The following KCNIP4 variants were observed in gnomAD, a reference collection of about 807,000 sequenced individuals.
KCNIP4 encodes potassium voltage-gated channel interacting protein 4.
A neutral mutation model predicts 34.0 loss-of-function variants in KCNIP4; 12 were observed. The ratio of observed to expected loss-of-function variants is 0.35; its 90% CI spans 0.23 to 0.57. The LOEUF is 0.57. KCNIP4 is among the 20% of genes least tolerant of loss of function. The pLI is 0.83. For synonymous variants in KCNIP4, 124 were observed against 102.2 expected (o/e 1.21, Z -1.29); for missense variants, 238 against 311.7 (o/e 0.76, Z 1.78).
chr4:21,158,908 G>T (rs1473852445), intron 1 of KCNIP4, among the ~76,000 whole-genome samples: 1 of 152,048 alleles, frequency 6.6e-6, no homozygotes, highest in Non-Finnish European at 1.5e-5. Flanking sequence ...AGAAATAATT[G>T]CATGCAGTGA....
chr4:21,752,532 A>G (rs1161996221), intron 1 of KCNIP4, among the ~76,000 whole-genome samples: 1 of 152,140 alleles, frequency 6.6e-6, no homozygotes, highest in Non-Finnish European at 1.5e-5. Context: ...CCAATTCCAG[A>G]TGAGATTTTG....
intron 1 of KCNIP4, among the ~76,000 whole-genome samples, chr4:21,533,702 T>C (rs535262174): frequency 2.0e-4 from 30 of 152,284 alleles, no homozygotes; most frequent in African/African-American, 7.2e-4. Flanking sequence ...TAGCTAGGTA[T>C]TTTACTTATT....
chr4:21,695,023 A>G (rs1712151812), intron 1 of KCNIP4, among the ~76,000 whole-genome samples: 1 of 151,962 alleles, frequency 6.6e-6, no homozygotes, highest in African/African-American at 2.4e-5. Flanking sequence ...TGATAACTAC[A>G]AAGATACATG....
intron 1 of KCNIP4, among the ~76,000 whole-genome samples, chr4:21,496,908 C>T (rs908725586): frequency 4.6e-5 from 7 of 152,110 alleles, no homozygotes; most frequent in African/African-American, 1.7e-4. Context: ...TCTGTCTGTG[C>T]AAAAATTGTC....
intron 1 of KCNIP4, among the ~76,000 whole-genome samples, chr4:21,073,078 A>G (rs1458433068): frequency 6.6e-6 from 1 of 152,102 alleles, no homozygotes; most frequent in Non-Finnish European, 1.5e-5. Flanking sequence ...GTCAGGTAGC[A>G]TGATGCTTCC....
intron 1 of KCNIP4, chr4:21,697,287 C>G (rs759107391): frequency 1.5e-6 from 2 of 1,335,182 alleles, no homozygotes; most frequent in Non-Finnish European, 1.9e-6. Flanking sequence ...TCCATTTCAA[C>G]TTCATTACCA....
At chr4:21,672,805 C>A (rs564007145) in intron 1 of KCNIP4, among the ~76,000 whole-genome samples, 3 of 152,310 alleles carry the variant, frequency 2.0e-5, no homozygotes, top group African/African-American at 7.2e-5. Context: ...TCTGGCCCAG[C>A]ATTGCTCATG....
At chr4:21,155,556 A>G (rs1039114040) in intron 1 of KCNIP4, among the ~76,000 whole-genome samples, 1 of 152,148 alleles carries the variant, frequency 6.6e-6, no homozygotes, top group Non-Finnish European at 1.5e-5. Flanking sequence ...AACTTGATTC[A>G]TTAGTTAATA....
At chr4:21,098,646 T>C (rs4444829) in intron 1 of KCNIP4, among the ~76,000 whole-genome samples, 71,443 of 152,012 alleles carry the variant, frequency 0.47, 17,718 homozygotes, top group African/African-American at 0.64. Flanking sequence ...AAAAAGATTC[T>C]TTTCAAAATA....
At position 21,394,924 on chromosome 4, in the gene KCNIP4, A is replaced by G. The variant is rs185342687; in HGVS notation, c.62-512215T>C. On this transcript the variant is annotated intron_variant, in intron 1 of 8. Coordinates refer to ENST00000382152, the MANE Select transcript of KCNIP4 (RefSeq NM_025221.6). ...TTTATTACATTTCCATTTATTGAAC[A>G]TTGACTGGGCTCACAAAGCACTGGG... Among the ~76,000 whole-genome samples, 611 of 152,124 alleles carry G rather than the reference A, an allele frequency of 4.0e-3. 2 individuals carry two copies. The highest frequency in any genetic ancestry group is 0.014 in the African/African-American group (573 of 41,512).
intron 1 of KCNIP4, among the ~76,000 whole-genome samples, chr4:21,285,074 T>C (rs1037814577): frequency 1.4e-4 from 22 of 152,230 alleles, no homozygotes; most frequent in African/African-American, 5.1e-4. Context: ...ATCCCCATTA[T>C]GGCTTAGGTT....
chr4:21,078,442 T>G (rs1196556283), intron 1 of KCNIP4, among the ~76,000 whole-genome samples: 1 of 152,042 alleles, frequency 6.6e-6, no homozygotes, highest in Non-Finnish European at 1.5e-5. Context: ...TGCAGGCAGC[T>G]GCCTTCTTAT....
intron 1 of KCNIP4, among the ~76,000 whole-genome samples, chr4:21,527,345 T>A (rs1258579880): frequency 6.6e-6 from 1 of 152,152 alleles, no homozygotes; most frequent in Non-Finnish European, 1.5e-5. Flanking sequence ...AAGAAAAAGA[T>A]GAAAGAATCA....
intron 3 of KCNIP4, among the ~76,000 whole-genome samples, chr4:20,771,202 T>G (rs1332439019): frequency 6.6e-6 from 1 of 152,090 alleles, no homozygotes; most frequent in Non-Finnish European, 1.5e-5. Flanking sequence ...TACACATATG[T>G]TCATATATAT....
intron 1 of KCNIP4, among the ~76,000 whole-genome samples, chr4:21,865,513 A>T (rs962997671): frequency 2.6e-5 from 4 of 151,990 alleles, no homozygotes; most frequent in Non-Finnish European, 5.9e-5. Context: ...AAATATGACA[A>T]ATGAGACTCT....
chr4:21,002,306 T>C (rs976871312), intron 1 of KCNIP4, among the ~76,000 whole-genome samples: 7 of 152,176 alleles, frequency 4.6e-5, no homozygotes, highest in Non-Finnish European at 7.3e-5. Flanking sequence ...AATATGACTA[T>C]AAACACATCA....
At chr4:21,822,445 C>A (rs1271873002) in intron 1 of KCNIP4, among the ~76,000 whole-genome samples, 2 of 152,120 alleles carry the variant, frequency 1.3e-5, no homozygotes, top group African/African-American at 4.8e-5. Flanking sequence ...TCCAAAATGT[C>A]ATCCAGGACT....
In KCNIP4 at chr4:21,126,857, C is replaced by T. The variant is rs112308891; in HGVS notation, c.62-244148G>A. Among the ~76,000 whole-genome samples, 1,190 of 152,194 alleles carry T rather than the reference C, an allele frequency of 7.8e-3. 10 individuals carry two copies. The highest frequency in any genetic ancestry group is 0.012 in the Non-Finnish European group (816 of 68,008). On this transcript the variant is annotated intron_variant, in intron 1 of 8. Transcript: ENST00000382152. Reference sequence around the variant, plus strand: ...ACAATTCTTTCTAATGAAAAATTTGCTTATTTAAAGAATTCTTTTTGCTTT... The same window carrying T: ...ACAATTCTTTCTAATGAAAAATTTGTTTATTTAAAGAATTCTTTTTGCTTT...
At chr4:20,901,790 T>C (rs1402381929) in intron 1 of KCNIP4, among the ~76,000 whole-genome samples, 1 of 152,032 alleles carries the variant, frequency 6.6e-6, no homozygotes, top group African/African-American at 2.4e-5. Flanking sequence ...AAAGGTCAAA[T>C]GAAATGAGTA....
Sources: allele counts gnomAD v4.1 joint callset (sites outside exome capture counted in the v4.1 genomes callset), GRCh38; gene constraint gnomAD v4.1.1; transcripts MANE v1.5; gene names NCBI Gene and HGNC (gene_info 2026-07-23, HGNC 2026-07-21).